KSR2: variants seen among roughly 807,000 people sequenced by gnomAD.
KSR2 encodes the protein kinase suppressor of ras 2.
A neutral mutation model predicts 107.8 loss-of-function variants in KSR2; 25 were observed. That is an observed-to-expected ratio of 0.23 (90% confidence interval 0.17 to 0.32). The LOEUF is 0.32. KSR2 is among the 10% of genes least tolerant of loss of function. The pLI is 1.00. For synonymous variants in KSR2, 480 were observed against 507.0 expected (o/e 0.95, Z 0.71); for missense variants, 887 against 1,268.9 (o/e 0.70, Z 4.57).
At chr12:117,940,254 G>A (rs1239878809) in intron 1 of KSR2, among the ~76,000 whole-genome samples, 2 of 152,136 alleles carry the variant, frequency 1.3e-5, no homozygotes, top group African/African-American at 2.4e-5. Context: ...TCTCTTTAAT[G>A]CCATATCTTC....
intron 14 of KSR2, among the ~76,000 whole-genome samples, chr12:117,492,172 G>T (rs1389377367): frequency 2.0e-5 from 3 of 152,212 alleles, no homozygotes; most frequent in Non-Finnish European, 4.4e-5. Context: ...GCTGCCCTTT[G>T]AGTCCCTATC....
intron 7 of KSR2, among the ~76,000 whole-genome samples, chr12:117,573,567 A>G (rs1879048037): frequency 7.7e-6 from 1 of 130,420 alleles, no homozygotes; most frequent in South Asian, 2.3e-4. Context: ...TCACTCTGTC[A>G]CCCAGGCTGG....
At chr12:117,477,411 C>T (rs887742055) in intron 16 of KSR2, among the ~76,000 whole-genome samples, 3 of 152,168 alleles carry the variant, frequency 2.0e-5, no homozygotes, top group African/African-American at 7.2e-5. Context: ...CCTATGATGC[C>T]TAGGTTCTGT....
chr12:117,549,806 T>A (rs2137316395), intron 9 of KSR2, among the ~76,000 whole-genome samples: 1 of 152,034 alleles, frequency 6.6e-6, no homozygotes, highest in Non-Finnish European at 1.5e-5. Flanking sequence ...AACTAAGCAA[T>A]TGAAAGGAAG....
rs554457839 is a variant in KSR2, at chr12:117,794,249, A to T, written c.473-32725T>A. Among the ~76,000 whole-genome samples, 6 of 100,430 alleles carry T rather than the reference A, an allele frequency of 6.0e-5. 1 individual carries two copies. The highest frequency in any genetic ancestry group is 3.0e-4 in the African/African-American group (6 of 20,090). The allele number at this position is 100,430 out of a possible 152,430, so 65.9% of individuals were successfully genotyped here. ...CACCAACATGCACACTCACACCAAC[A>T]TGCACACATACACCAACATGCACAC... On this transcript the variant is annotated intron_variant, in intron 3 of 19. Transcript: ENST00000339824.
In KSR2 at chr12:117,459,468, G is replaced by A. The variant is rs925273355; in HGVS notation, c.*7731C>T. 6.6e-6 allele frequency: 1 copy of A among 152,218 alleles called. No homozygotes were observed. Among genetic ancestry groups the A allele is most frequent in the Non-Finnish European group, 1.5e-5 (1 of 68,050 alleles). The allele number at this position is 152,218 out of a possible 1,614,324, so 9.4% of individuals were successfully genotyped here. A position where few individuals can be genotyped will look rare whatever the true frequency, so the allele number is the denominator to read the frequency against. ...TGGGAAGGCATGCTGTGATGGATTA[G>A]TGATGTCTGCCAAGAGTACAGCAGG... On this transcript the variant is annotated 3_prime_UTR_variant, in exon 20 of 20. Coordinates refer to ENST00000339824, the MANE Select transcript of KSR2 (RefSeq NM_173598.6).
chr12:117,654,935 C>T (rs369999529), intron 5 of KSR2, among the ~76,000 whole-genome samples: 2 of 152,158 alleles, frequency 1.3e-5, no homozygotes, highest in South Asian at 2.1e-4. Context: ...ATGGAGGTTA[C>T]GCATTGGCTC....
chr12:117,673,356 G>A (rs1219602115), intron 4 of KSR2, among the ~76,000 whole-genome samples: 1 of 152,012 alleles, frequency 6.6e-6, no homozygotes, highest in Non-Finnish European at 1.5e-5. Flanking sequence ...GAAGATGAAA[G>A]AATTAAAGGA....
chr12:117,697,696 C>T (rs931714804), intron 4 of KSR2, among the ~76,000 whole-genome samples: 3 of 149,140 alleles, frequency 2.0e-5, no homozygotes, highest in Admixed American at 1.3e-4. Flanking sequence ...GCCGAGATCG[C>T]GCCACTGCAC....
chr12:117,867,877 A>G (rs971898867), intron 1 of KSR2, among the ~76,000 whole-genome samples: 7 of 152,170 alleles, frequency 4.6e-5, no homozygotes, highest in African/African-American at 1.7e-4. Flanking sequence ...GCTAACTGAT[A>G]CACCACCACA....
chr12:117,544,874 A>G (rs1411602578), intron 9 of KSR2, among the ~76,000 whole-genome samples: 2 of 152,184 alleles, frequency 1.3e-5, no homozygotes, highest in Non-Finnish European at 2.9e-5. Context: ...TGTGTTGAAT[A>G]AGAATGGTGA....
intron 5 of KSR2, among the ~76,000 whole-genome samples, chr12:117,652,855 G>A (rs1404993467): frequency 6.6e-6 from 1 of 152,142 alleles, no homozygotes; most frequent in Non-Finnish European, 1.5e-5. Flanking sequence ...TGGGTCCAGT[G>A]GGTCTCCGGA....
intron 14 of KSR2, among the ~76,000 whole-genome samples, chr12:117,492,027 A>T (rs1872769562): frequency 1.3e-5 from 2 of 152,186 alleles, no homozygotes; most frequent in Admixed American, 1.3e-4. Flanking sequence ...GTGCACATGC[A>T]CACATGCACC....
At chr12:117,728,380 G>A (rs1006773033) in intron 4 of KSR2, among the ~76,000 whole-genome samples, 2 of 152,150 alleles carry the variant, frequency 1.3e-5, no homozygotes. Context: ...ACCTGTGCTC[G>A]CTATGGTTAA....
intron 2 of KSR2, among the ~76,000 whole-genome samples, chr12:117,860,083 TCTAA>T (rs1262015085): frequency 6.6e-6 from 1 of 152,168 alleles, no homozygotes; most frequent in Middle Eastern, 3.2e-3. Flanking sequence ...GCTGGAGGGT[TCTAA>T]CTGACTCTGG....
intron 14 of KSR2, among the ~76,000 whole-genome samples, chr12:117,499,060 A>G (rs1873211477): frequency 6.6e-6 from 1 of 152,248 alleles, no homozygotes; most frequent in Non-Finnish European, 1.5e-5. Flanking sequence ...TTCCATGAGC[A>G]AGGTACCACA....
intron 1 of KSR2, among the ~76,000 whole-genome samples, chr12:117,861,865 A>T (rs1209920166): frequency 1.3e-5 from 2 of 152,216 alleles, no homozygotes; most frequent in African/African-American, 4.8e-5. Flanking sequence ...ATCCCATAAC[A>T]TGAGAAAAGA....
At chr12:117,629,178 C>T (rs1882690165) in intron 5 of KSR2, among the ~76,000 whole-genome samples, 1 of 152,246 alleles carries the variant, frequency 6.6e-6, no homozygotes, top group South Asian at 2.1e-4. Context: ...ATGACCCGCA[C>T]TGCTTTGGCT....
intron 4 of KSR2, among the ~76,000 whole-genome samples, 181 bp from the exon 5 acceptor site, chr12:117,667,839 C>A (rs1228222978): frequency 6.6e-6 from 1 of 152,148 alleles, no homozygotes; most frequent in Non-Finnish European, 1.5e-5. Context: ...TACCCTCTCA[C>A]CCCTAGGTCC....
Sources: allele counts gnomAD v4.1 joint callset (sites outside exome capture counted in the v4.1 genomes callset), GRCh38; gene constraint gnomAD v4.1.1; transcripts MANE v1.5; gene names NCBI Gene and HGNC (gene_info 2026-07-23, HGNC 2026-07-21).